KLHL4: variants seen among roughly 807,000 people sequenced by gnomAD.
The protein encoded by KLHL4 is kelch-like protein 4.
In KLHL4, 17 loss-of-function variants were observed where a neutral mutation model predicts 45.8. That is an observed-to-expected ratio of 0.37 (90% CI 0.25 to 0.56). The LOEUF (loss-of-function observed/expected upper bound fraction) is 0.56. Among genes scored for constraint, KLHL4 ranks in the 20% least tolerant of loss-of-function variants. The pLI, the probability that KLHL4 is intolerant of heterozygous loss-of-function variation, is 0.79. For missense variants in KLHL4, 544 were observed against 544.9 expected, an observed-to-expected ratio of 1.00 and a Z score of 0.02; for synonymous variants, 224 against 189.9, an observed-to-expected ratio of 1.18 and a Z score of -1.47.
chrX:87,596,680 G>A (rs972563372), intron 1 of KLHL4, among the ~76,000 whole-genome samples: 1 of 111,921 alleles, frequency 8.9e-6, no homozygotes, highest in African/African-American at 3.2e-5. Context: ...TTCTAACTGA[G>A]CTAAAACATG....
At chrX:87,533,586 G>C (rs1246167972) in intron 1 of KLHL4, among the ~76,000 whole-genome samples, 1 of 106,142 alleles carries the variant, frequency 9.4e-6, no homozygotes, top group African/African-American at 3.4e-5. Flanking sequence ...GATAGCATTA[G>C]GAGATATACC....
chrX:87,556,216 T>C lies in KLHL4; in HGVS notation c.422+37901T>C, dbSNP rs189457521. On this transcript the variant is annotated intron_variant, in intron 1 of 10. Coordinates refer to ENST00000373119, the MANE Select transcript of KLHL4 (RefSeq NM_019117.5). ...TAAATCATGCTGCTATAAAGACACA[T>C]GCACACGTATATTTATTGCAGCACT... Among the ~76,000 whole-genome samples the C allele has an allele frequency of 8.1e-5, 9 of 111,061 alleles. No individual in the cohort carries two copies. The East Asian group carries it at 2.5e-3, about 31-fold the overall frequency.
chrX:87,631,799 T>C (rs758157499), intron 6 of KLHL4, among the ~76,000 whole-genome samples: 2 of 112,045 alleles, frequency 1.8e-5, no homozygotes, highest in East Asian at 5.6e-4. Context: ...AAAACAAATT[T>C]AAAAAGCATA....
chrX:87,531,979 A>C (rs12849247), intron 1 of KLHL4, among the ~76,000 whole-genome samples: 24,583 of 103,193 alleles, frequency 0.24, 2,661 homozygotes, highest in Non-Finnish European at 0.27. Flanking sequence ...TTGGAAAAAA[A>C]TACTTTAAAG....
intron 1 of KLHL4, among the ~76,000 whole-genome samples, chrX:87,519,619 C>T (rs1379650505): frequency 4.5e-5 from 5 of 112,222 alleles, no homozygotes; most frequent in Admixed American, 9.5e-5. Flanking sequence ...ATATTTTGTG[C>T]TTGCTCGTGG....
chrX:87,552,207 C>A (rs1931843190), intron 1 of KLHL4, among the ~76,000 whole-genome samples: 1 of 110,171 alleles, frequency 9.1e-6, no homozygotes, highest in African/African-American at 3.3e-5. Context: ...AAGAAAAAAA[C>A]AATCCCATCA....
chrX:87,644,504 C>T (rs894979973), intron 9 of KLHL4, among the ~76,000 whole-genome samples: 1 of 110,837 alleles, frequency 9.0e-6, no homozygotes, highest in Admixed American at 9.6e-5. Context: ...AAATTCAACG[C>T]AGTCCCCACC....
chrX:87,625,438 C>T (rs748334747), intron 5 of KLHL4, among the ~76,000 whole-genome samples, 172 bp from the exon 6 acceptor site: 118 of 111,656 alleles, frequency 1.1e-3, no homozygotes, highest in Middle Eastern at 4.7e-3. Flanking sequence ...GCCATGTTTC[C>T]CATGCTGGTC....
chrX:87,647,533 T>C (rs975000116), intron 9 of KLHL4, among the ~76,000 whole-genome samples: 1 of 111,933 alleles, frequency 8.9e-6, no homozygotes, highest in Non-Finnish European at 1.9e-5. Flanking sequence ...AAATGGGATA[T>C]ATGGAATACT....
At chrX:87,519,620 T>C (rs1930962251) in intron 1 of KLHL4, among the ~76,000 whole-genome samples, 1 of 112,479 alleles carries the variant, frequency 8.9e-6, no homozygotes, top group Admixed American at 9.5e-5. Flanking sequence ...TATTTTGTGC[T>C]TGCTCGTGGA....
intron 9 of KLHL4, among the ~76,000 whole-genome samples, chrX:87,648,852 C>T (rs1047915530): frequency 9.0e-6 from 1 of 110,689 alleles, no homozygotes; most frequent in African/African-American, 3.3e-5. Flanking sequence ...TAAGATTATA[C>T]AAACCATAAA....
chrX:87,545,088 A>G (rs1931644717), intron 1 of KLHL4, among the ~76,000 whole-genome samples: 4 of 112,748 alleles, frequency 3.5e-5, no homozygotes, highest in Admixed American at 2.8e-4. Context: ...TCTATCACAT[A>G]AATTTAGCAG....
chrX:87,638,816 A>C (rs2147828138), intron 9 of KLHL4, among the ~76,000 whole-genome samples: 1 of 111,840 alleles, frequency 8.9e-6, no homozygotes, highest in South Asian at 3.7e-4. Flanking sequence ...AATTAATAGC[A>C]CAATGTATAG....
intron 1 of KLHL4, among the ~76,000 whole-genome samples, chrX:87,605,212 A>AT (rs1922153525): frequency 9.0e-6 from 1 of 110,850 alleles, no homozygotes; most frequent in Admixed American, 9.6e-5. Flanking sequence ...CTCCAACCTC[A>AT]TTTTTTTCGC....
intron 1 of KLHL4, among the ~76,000 whole-genome samples, chrX:87,600,461 C>T (rs1251716199): frequency 1.1e-5 from 1 of 92,949 alleles, no homozygotes; most frequent in Non-Finnish European, 2.1e-5. Context: ...CCAGCCTGGG[C>T]GACAGAACGA....
intron 6 of KLHL4, among the ~76,000 whole-genome samples, chrX:87,629,721 A>C (rs1216203361): frequency 9.0e-6 from 1 of 111,561 alleles, no homozygotes; most frequent in Non-Finnish European, 1.9e-5. Context: ...GAACAAGCAG[A>C]TAAGAATACA....
intron 1 of KLHL4, among the ~76,000 whole-genome samples, chrX:87,602,677 A>G (rs1025484037): frequency 2.7e-5 from 3 of 111,397 alleles, no homozygotes; most frequent in Non-Finnish European, 3.8e-5. Context: ...TTGCCTATTG[A>G]TGCGTTTTTC....
At chrX:87,592,042 C>T (rs1218410831) in intron 1 of KLHL4, among the ~76,000 whole-genome samples, 2 of 108,692 alleles carry the variant, frequency 1.8e-5, no homozygotes, top group East Asian at 5.8e-4. Context: ...AGCCATCATT[C>T]TCCTCTCTAC....
intron 9 of KLHL4, among the ~76,000 whole-genome samples, chrX:87,662,429 C>A (rs1233489825): frequency 1.8e-5 from 2 of 111,893 alleles, no homozygotes; most frequent in Non-Finnish European, 3.8e-5. Flanking sequence ...GAAATAATTT[C>A]TCAATAGATG....
Sources: gnomAD v4.1 joint callset for allele counts (sites outside exome capture counted in the v4.1 genomes callset) on GRCh38, gnomAD v4.1.1 for gene constraint, MANE v1.5 for transcripts, NCBI Gene and HGNC (gene_info 2026-07-23, HGNC 2026-07-21) for gene names.